The following ZNF423 variants were observed in gnomAD, a reference collection of about 807,000 sequenced individuals.
ZNF423 encodes the protein Ebf-associated zinc finger protein.
In ZNF423, 12 loss-of-function variants were observed where a neutral mutation model predicts 95.8. The observed-to-expected ratio is 0.13, with a 90% CI of 0.08 to 0.20. The LOEUF (loss-of-function observed/expected upper bound fraction) is 0.20, where lower values mean the gene tolerates loss of function less well. Ranked by LOEUF, ZNF423 falls within the 10% of genes least tolerant of loss-of-function variation. The pLI, the probability that ZNF423 is intolerant of heterozygous loss-of-function variation, is 1.00. For synonymous variants in ZNF423, 749 were observed against 711.9 expected, an observed-to-expected ratio of 1.05 and a Z score of -0.83; for missense variants, 1,316 against 1,737.1, an observed-to-expected ratio of 0.76 and a Z score of 4.31.
intron 2 of ZNF423, among the ~76,000 whole-genome samples, chr16:49,787,852 T>C (rs2034341863): frequency 6.6e-6 from 1 of 152,070 alleles, no homozygotes; most frequent in South Asian, 2.1e-4. Context: ...GCTGAGTGCT[T>C]TCCTAGTTCA....
At chr16:49,493,079 A>T (rs1208161910) in intron 7 of ZNF423, among the ~76,000 whole-genome samples, 2 of 152,044 alleles carry the variant, frequency 1.3e-5, no homozygotes, top group African/African-American at 4.8e-5. Context: ...CACAGATGGG[A>T]TGCAGGCGGT....
chr16:49,774,143 C>T (rs914392158), intron 2 of ZNF423, among the ~76,000 whole-genome samples: 1 of 152,176 alleles, frequency 6.6e-6, no homozygotes, highest in African/African-American at 2.4e-5. Flanking sequence ...GTCCTCAGGC[C>T]CTGTGGCTTT....
At chr16:49,597,006 G>A (rs999806791) in intron 5 of ZNF423, among the ~76,000 whole-genome samples, 3 of 152,128 alleles carry the variant, frequency 2.0e-5, no homozygotes, top group African/African-American at 7.2e-5. Context: ...CTTGGGCTTC[G>A]GGCTCCATCC....
chr16:49,500,982 G>T (rs74496355), intron 7 of ZNF423, among the ~76,000 whole-genome samples: 2 of 152,282 alleles, frequency 1.3e-5, no homozygotes, highest in African/African-American at 4.8e-5. Flanking sequence ...TGCTCTTAGT[G>T]TGGGTCAAAG....
intron 2 of ZNF423, among the ~76,000 whole-genome samples, chr16:49,749,024 AG>A (rs1203731740): frequency 2.0e-5 from 3 of 152,344 alleles, no homozygotes; most frequent in Admixed American, 6.5e-5. Flanking sequence ...TATGGAGTCC[AG>A]GGGCTACGGT....
At chr16:49,605,631 A>G (rs776839364) in intron 5 of ZNF423, among the ~76,000 whole-genome samples, 1 of 151,912 alleles carries the variant, frequency 6.6e-6, no homozygotes, top group Non-Finnish European at 1.5e-5. Flanking sequence ...TTAAAATACT[A>G]TTTTTCAATA....
intron 2 of ZNF423, among the ~76,000 whole-genome samples, chr16:49,769,790 T>G (rs905929543): frequency 4.5e-4 from 58 of 130,208 alleles, no homozygotes; most frequent in Middle Eastern, 4.0e-3. Context: ...CCCTCCCTCA[T>G]CTCCAAGCCC....
intron 5 of ZNF423, 112 bp downstream of exon 5, chr16:49,626,058 G>A: frequency 9.8e-7 from 1 of 1,019,804 alleles, no homozygotes; most frequent in South Asian, 1.4e-5. Context: ...CTCAGAAACA[G>A]CAGCAGTGAC....
At chr16:49,560,724 C>A (rs893678431) in intron 5 of ZNF423, among the ~76,000 whole-genome samples, 8 of 152,190 alleles carry the variant, frequency 5.3e-5, no homozygotes, top group African/African-American at 1.9e-4. Flanking sequence ...CCCAGACACG[C>A]CACAGTGTGC....
At chr16:49,506,241 T>C (rs1201481733) in intron 7 of ZNF423, among the ~76,000 whole-genome samples, 2 of 152,108 alleles carry the variant, frequency 1.3e-5, no homozygotes, top group Admixed American at 6.5e-5. Flanking sequence ...GCTGGATGGA[T>C]AGGGAGATGG....
At chr16:49,678,948 C>G (rs1395420515) in intron 3 of ZNF423, among the ~76,000 whole-genome samples, 1 of 152,236 alleles carries the variant, frequency 6.6e-6, no homozygotes, top group Non-Finnish European at 1.5e-5. Flanking sequence ...CCAGCCCTCA[C>G]TGCCCTGAGC....
intron 7 of ZNF423, among the ~76,000 whole-genome samples, chr16:49,504,896 T>G (rs1485724470): frequency 6.6e-6 from 1 of 152,122 alleles, no homozygotes; most frequent in Non-Finnish European, 1.5e-5. Context: ...CTCTTTCCCC[T>G]ATGGAAAGGC....
intron 2 of ZNF423, among the ~76,000 whole-genome samples, chr16:49,786,193 C>T (rs1207882420): frequency 1.3e-5 from 2 of 152,234 alleles, no homozygotes; most frequent in Non-Finnish European, 2.9e-5. Context: ...CATTTCGCTC[C>T]TTTCCCTGCC....
chr16:49,579,383 C>T (rs995152182), intron 5 of ZNF423, among the ~76,000 whole-genome samples: 1 of 152,098 alleles, frequency 6.6e-6, no homozygotes, highest in African/African-American at 2.4e-5. Context: ...ATCAGTCACT[C>T]CACTTCCCTT....
At chr16:49,528,171 G>T (rs10852599) in intron 5 of ZNF423, among the ~76,000 whole-genome samples, 93,307 of 151,780 alleles carry the variant, frequency 0.61, 29,954 homozygotes, top group African/African-American at 0.81. Context: ...AATGGCGACG[G>T]GCCCATCTGA....
At chr16:49,535,970 C>A (rs527920853) in intron 5 of ZNF423, among the ~76,000 whole-genome samples, 1 of 152,234 alleles carries the variant, frequency 6.6e-6, no homozygotes, top group African/African-American at 2.4e-5. Context: ...ACCGACCCTG[C>A]CAGGGACACA....
chr16:49,652,668 C>G (rs559566296), intron 3 of ZNF423, among the ~76,000 whole-genome samples: 1 of 152,356 alleles, frequency 6.6e-6, no homozygotes, highest in East Asian at 1.9e-4. Context: ...CTCTGCTCCA[C>G]TCGAGTGAAA....
intron 1 of ZNF423, among the ~76,000 whole-genome samples, chr16:49,827,965 C>T (rs2035023807): frequency 6.6e-6 from 1 of 152,226 alleles, no homozygotes; most frequent in South Asian, 2.1e-4. Context: ...TCTTTTTACA[C>T]ACTTTCTTAG....
At chr16:49,838,985 C>A (rs903129562) in intron 1 of ZNF423, among the ~76,000 whole-genome samples, 9 of 151,782 alleles carry the variant, frequency 5.9e-5, no homozygotes, top group Non-Finnish European at 1.2e-4. Flanking sequence ...CGGCCGGGCT[C>A]CCCTCGGGTA....
Sources: gnomAD v4.1 joint callset for allele counts (sites outside exome capture counted in the v4.1 genomes callset) on GRCh38, gnomAD v4.1.1 for gene constraint, MANE v1.5 for transcripts, NCBI Gene and HGNC (gene_info 2026-07-23, HGNC 2026-07-21) for gene names.